The following DLG2 variants were observed in gnomAD, a reference collection of about 807,000 sequenced individuals.
The protein encoded by DLG2 is disks large homolog 2.
DLG2 carries 45 observed loss-of-function variants against 132.5 expected under a neutral mutation model. That is an observed-to-expected ratio of 0.34 (90% CI 0.27 to 0.44). The LOEUF is 0.44. Ranked by LOEUF, DLG2 falls within the 20% of genes least tolerant of loss-of-function variation. The probability of loss-of-function intolerance (pLI) is 1.00; values close to 1 mark genes in which losing one functional copy is unlikely to be tolerated. For synonymous variants in DLG2, 424 were observed against 419.6 expected, an observed-to-expected ratio of 1.01 and a Z score of -0.13; for missense variants, 1,045 against 1,196.9, an observed-to-expected ratio of 0.87 and a Z score of 1.87.
intron 18 of DLG2, among the ~76,000 whole-genome samples, chr11:83,687,594 T>C (rs753692081): frequency 6.6e-6 from 1 of 152,226 alleles, no homozygotes; most frequent in African/African-American, 2.4e-5. Flanking sequence ...ACTTCTGAAA[T>C]GATGGTGAGA....
chr11:84,838,849 A>T (rs897256387), intron 6 of DLG2, among the ~76,000 whole-genome samples: 1 of 152,118 alleles, frequency 6.6e-6, no homozygotes, highest in Non-Finnish European at 1.5e-5. Context: ...ATATCAAAAT[A>T]TTAAGAGCTA....
chr11:85,516,310 A>C (rs1169987787), intron 3 of DLG2, among the ~76,000 whole-genome samples: 3 of 152,052 alleles, frequency 2.0e-5, no homozygotes, highest in Admixed American at 2.0e-4. Context: ...CTAAGAGGGA[A>C]GTTTTGAGCA....
chr11:85,501,060 C>G (rs565163864), intron 3 of DLG2, among the ~76,000 whole-genome samples: 1 of 152,034 alleles, frequency 6.6e-6, no homozygotes, highest in Non-Finnish European at 1.5e-5. Context: ...GGTACTGGTA[C>G]CAAAACATAT....
At chr11:84,220,006 A>G (rs2096891863) in intron 8 of DLG2, among the ~76,000 whole-genome samples, 1 of 152,214 alleles carries the variant, frequency 6.6e-6, no homozygotes, top group Non-Finnish European at 1.5e-5. Context: ...GAATACTTAC[A>G]TATCTAAATT....
At chr11:83,607,486 C>G (rs1361478770) in intron 19 of DLG2, among the ~76,000 whole-genome samples, 1 of 152,146 alleles carries the variant, frequency 6.6e-6, no homozygotes, top group East Asian at 1.9e-4. Flanking sequence ...CAGGACTCCT[C>G]CCGTCCATCC....
intron 6 of DLG2, among the ~76,000 whole-genome samples, chr11:84,939,134 T>A (rs1051412250): frequency 2.6e-5 from 4 of 152,126 alleles, no homozygotes; most frequent in Non-Finnish European, 5.9e-5. Flanking sequence ...CTTATACAAC[T>A]TTGACTAAGT....
intron 7 of DLG2, among the ~76,000 whole-genome samples, chr11:84,310,166 A>T (rs1262162810): frequency 3.3e-5 from 5 of 152,192 alleles, no homozygotes; most frequent in African/African-American, 1.2e-4. Flanking sequence ...CTGTTAAATT[A>T]GAGATTTATA....
intron 4 of DLG2, among the ~76,000 whole-genome samples, chr11:85,248,636 G>A (rs2076251156): frequency 1.3e-5 from 2 of 152,092 alleles, no homozygotes; most frequent in South Asian, 4.2e-4. Context: ...AATTCCTAGT[G>A]AAAATATTCA....
intron 6 of DLG2, among the ~76,000 whole-genome samples, chr11:84,908,032 CTGATTATAAAA>C (rs2091708543): frequency 6.6e-6 from 1 of 152,060 alleles, no homozygotes; most frequent in South Asian, 2.1e-4. Flanking sequence ...ACAAACCACA[CTGATTATAAAA>C]ACCCTTTCAG....
chr11:83,958,663 A>C (rs1006458986), intron 14 of DLG2, among the ~76,000 whole-genome samples: 1 of 152,112 alleles, frequency 6.6e-6, no homozygotes, highest in Non-Finnish European at 1.5e-5. Flanking sequence ...TTTCAGCCAG[A>C]TAGTGATGAT....
chr11:84,081,875 T>C (rs1594838213), intron 10 of DLG2, among the ~76,000 whole-genome samples: 1 of 152,164 alleles, frequency 6.6e-6, no homozygotes. Context: ...CTAGTTCTAG[T>C]TCCCTGAGGA....
intron 6 of DLG2, among the ~76,000 whole-genome samples, chr11:84,564,725 G>T (rs547406875): frequency 7.2e-5 from 11 of 152,262 alleles, no homozygotes; most frequent in Middle Eastern, 6.8e-3. Context: ...ATTACCTAAG[G>T]TGTCTCCTAA....
At chr11:84,224,415 G>A (rs924826246) in intron 8 of DLG2, among the ~76,000 whole-genome samples, 2 of 152,102 alleles carry the variant, frequency 1.3e-5, no homozygotes, top group African/African-American at 4.8e-5. Flanking sequence ...AGGAATTATT[G>A]AATAAAATAG....
intron 3 of DLG2, among the ~76,000 whole-genome samples, chr11:85,296,467 C>CTTTTTTTTTTTTTT (rs66526147): frequency 8.2e-6 from 1 of 121,552 alleles, no homozygotes; most frequent in African/African-American, 3.1e-5. Flanking sequence ...TTTCGATTTT[C>CTTTTTTTTTTTTTT]TTTTTTTTTT....
At chr11:85,064,268 T>C (rs1389263828) in intron 6 of DLG2, among the ~76,000 whole-genome samples, 2 of 151,848 alleles carry the variant, frequency 1.3e-5, no homozygotes, top group Non-Finnish European at 2.9e-5. Context: ...AATGTTCTAA[T>C]AAATTCTATT....
At chr11:84,464,547 T>C (rs1355519098) in intron 7 of DLG2, among the ~76,000 whole-genome samples, 2 of 151,244 alleles carry the variant, frequency 1.3e-5, no homozygotes, top group Admixed American at 6.6e-5. Context: ...GTTTTGACTT[T>C]AGGTAATTTT....
intron 7 of DLG2, among the ~76,000 whole-genome samples, chr11:84,501,080 G>T (rs994396525): frequency 6.6e-6 from 1 of 152,238 alleles, no homozygotes; most frequent in East Asian, 1.9e-4. Flanking sequence ...CTCATAATAG[G>T]TTGTCAAACA....
intron 14 of DLG2, among the ~76,000 whole-genome samples, chr11:83,958,168 A>C (rs190932081): frequency 3.8e-4 from 58 of 152,358 alleles, no homozygotes; most frequent in Non-Finnish European, 6.0e-4. Flanking sequence ...TAACTGAACG[A>C]AGGAGAAAAG....
chr11:84,359,990 A>G (rs2098640267), intron 7 of DLG2, among the ~76,000 whole-genome samples: 1 of 151,934 alleles, frequency 6.6e-6, no homozygotes, highest in African/African-American at 2.4e-5. Context: ...TTACACAAAG[A>G]AAATGCAATT....
Sources: allele counts gnomAD v4.1 joint callset (sites outside exome capture counted in the v4.1 genomes callset), GRCh38; gene constraint gnomAD v4.1.1; transcripts MANE v1.5; gene names NCBI Gene and HGNC (gene_info 2026-07-23, HGNC 2026-07-21).